LRRC37A2: variants seen among roughly 807,000 people sequenced by gnomAD.
LRRC37A2 encodes leucine-rich repeat-containing protein 37A2.
In LRRC37A2, 9 loss-of-function variants were observed where a neutral mutation model predicts 68.8. The ratio of observed to expected loss-of-function variants is 0.13; its 90% confidence interval spans 0.08 to 0.23. The LOEUF (loss-of-function observed/expected upper bound fraction) is 0.23, where lower values mean the gene tolerates loss of function less well. Among genes scored for constraint, LRRC37A2 ranks in the 10% least tolerant of loss-of-function variants. The pLI, the probability that LRRC37A2 is intolerant of heterozygous loss-of-function variation, is 1.00. For synonymous variants in LRRC37A2, 63 were observed against 367.6 expected (o/e 0.17, Z 9.48); for missense variants, 168 against 950.4 (o/e 0.18, Z 10.82).
chr17:46,694,117 G>A, the LRRC37A2 span, among the ~76,000 whole-genome samples: 2 of 131,878 alleles, frequency 1.5e-5, no homozygotes, highest in South Asian at 4.7e-4. Flanking sequence ...GGGCGCAGTG[G>A]CTCACACCTG....
the LRRC37A2 span, among the ~76,000 whole-genome samples, chr17:46,759,186 G>A: frequency 3.3e-5 from 5 of 152,146 alleles, no homozygotes; most frequent in Non-Finnish European, 5.9e-5. Context: ...CCTGGGCAAC[G>A]AGCAAAACTC....
chr17:47,018,104 G>A, the LRRC37A2 span: 1 of 1,530,332 alleles, frequency 6.5e-7, no homozygotes, highest in East Asian at 2.3e-5. Context: ...CTGCAGATGT[G>A]GAGGTTACCA....
At chr17:46,824,272 G>A in the LRRC37A2 span, among the ~76,000 whole-genome samples, 10 of 152,008 alleles carry the variant, frequency 6.6e-5, no homozygotes, top group Admixed American at 3.3e-4. Flanking sequence ...TTTTTGAGAC[G>A]GTGTCTTGCT....
chr17:46,718,611 C>A, the LRRC37A2 span, among the ~76,000 whole-genome samples: 2 of 152,144 alleles, frequency 1.3e-5, no homozygotes, highest in Non-Finnish European at 2.9e-5. Context: ...TTAGATTTTT[C>A]TTCACTAGAG....
chr17:46,751,682 A>G, the LRRC37A2 span: 1 of 902,228 alleles, frequency 1.1e-6, no homozygotes, highest in Non-Finnish European at 1.7e-6. Context: ...AAGAGGGTTC[A>G]GTATTTCCTT....
At chr17:46,751,411 C>A in the LRRC37A2 span, 1 of 899,504 alleles carries the variant, frequency 1.1e-6, no homozygotes, top group Non-Finnish European at 1.8e-6. Flanking sequence ...TTAGGTAGTT[C>A]TTATCACTCT....
At chr17:46,809,554 C>G in the LRRC37A2 span, among the ~76,000 whole-genome samples, 14 of 152,210 alleles carry the variant, frequency 9.2e-5, no homozygotes, top group African/African-American at 3.4e-4. Flanking sequence ...TCCTAGTTTG[C>G]TAGGCCTTAC....
chr17:46,950,475 C>T, the LRRC37A2 span, among the ~76,000 whole-genome samples: 1 of 152,192 alleles, frequency 6.6e-6, no homozygotes, highest in East Asian at 1.9e-4. Context: ...TTGCTTTTTC[C>T]TTCACACTTG....
chr17:46,554,720 A>ATAAAG, intron 12 of LRRC37A2: 8 of 34,668 alleles, frequency 2.3e-4, no homozygotes, highest in Non-Finnish European at 2.2e-4. Context: ...AACTTATAGA[A>ATAAAG]TAAAGTATCT....
chr17:46,984,515 TG>T, the LRRC37A2 span, among the ~76,000 whole-genome samples: 2 of 152,222 alleles, frequency 1.3e-5, no homozygotes, highest in Non-Finnish European at 2.9e-5. Flanking sequence ...GGGACAAGTC[TG>T]CATTTCCCAG....
the LRRC37A2 span, among the ~76,000 whole-genome samples, chr17:46,795,711 C>T: frequency 3.3e-5 from 5 of 152,326 alleles, no homozygotes; most frequent in African/African-American, 1.2e-4. Flanking sequence ...GACTCACAAA[C>T]GATTCTGCCG....
chr17:46,823,125 ATATTATATATAT>A, the LRRC37A2 span, among the ~76,000 whole-genome samples: 36 of 134,052 alleles, frequency 2.7e-4, 3 homozygotes, highest in African/African-American at 9.6e-4. Flanking sequence ...TATATATTAT[ATATTATATATAT>A]TATATTATAT....
the LRRC37A2 span, among the ~76,000 whole-genome samples, chr17:46,775,609 C>CTTTTT: frequency 4.5e-5 from 5 of 111,632 alleles, no homozygotes; most frequent in Admixed American, 9.1e-5. Flanking sequence ...GCCAGAAGTT[C>CTTTTT]TTTTTTTTTT....
the LRRC37A2 span, among the ~76,000 whole-genome samples, chr17:47,000,886 G>A: frequency 6.6e-6 from 1 of 152,036 alleles, no homozygotes; most frequent in African/African-American, 2.4e-5. Flanking sequence ...AAAAGATCTG[G>A]GAGCACTTTA....
At chr17:46,828,661 A>G in the LRRC37A2 span, among the ~76,000 whole-genome samples, 4 of 152,044 alleles carry the variant, frequency 2.6e-5, no homozygotes, top group African/African-American at 9.7e-5. Flanking sequence ...TGCATCCAGA[A>G]TGTAGTTCTG....
At chr17:46,558,788 C>T (rs1467511047), downstream of LRRC37A2, 1 of 133,494 alleles carries the variant, frequency 7.5e-6, no homozygotes, top group Non-Finnish European at 1.6e-5. Flanking sequence ...TCCCTTCTAA[C>T]TCACACTCCC....
At chr17:46,866,234 G>A in the LRRC37A2 span, among the ~76,000 whole-genome samples, 1 of 152,094 alleles carries the variant, frequency 6.6e-6, no homozygotes, top group Non-Finnish European at 1.5e-5. Context: ...CCTCAAAAAA[G>A]GGCTGCCCAG....
the LRRC37A2 span, chr17:46,851,722 GCCCGCCGCGCCC>G: frequency 7.8e-7 from 1 of 1,276,508 alleles, no homozygotes; most frequent in Non-Finnish European, 9.9e-7. The surrounding 1 kb of genome is among the most constrained non-coding windows in gnomAD (Gnocchi z 4.3). Context: ...TCGGGTCAGT[GCCCGCCGCGCCC>G]CCCGCCCGCT....
chr17:47,009,876 C>T, the LRRC37A2 span, among the ~76,000 whole-genome samples: 1 of 152,236 alleles, frequency 6.6e-6, no homozygotes, highest in African/African-American at 2.4e-5. Flanking sequence ...AAAATGTTTC[C>T]TCCCTTGCAC....
Sources: allele counts gnomAD v4.1 joint callset (sites outside exome capture counted in the v4.1 genomes callset), GRCh38; gene constraint gnomAD v4.1.1; non-coding constraint Gnocchi (gnomAD v3.1); transcripts MANE v1.5; gene names NCBI Gene and HGNC (gene_info 2026-07-23, HGNC 2026-07-21).